Variants in HPSE2 observed in about 807,000 individuals in gnomAD.
The protein encoded by HPSE2 is inactive heparanase-2.
Under a neutral mutation model 60.5 loss-of-function variants are expected in HPSE2, and 38 were observed. That is an observed-to-expected ratio of 0.63 (90% CI 0.48 to 0.82). HPSE2 has a LOEUF of 0.82. Ranked by LOEUF, HPSE2 falls within the 40% of genes least tolerant of loss-of-function variation. The probability of loss-of-function intolerance (pLI) is 0.00; values close to 1 mark genes in which losing one functional copy is unlikely to be tolerated. For synonymous variants in HPSE2, 295 were observed against 293.2 expected, an observed-to-expected ratio of 1.01 and a Z score of -0.06; for missense variants, 713 against 740.4, an observed-to-expected ratio of 0.96 and a Z score of 0.43.
At chr10:99,016,979 GAT>G (rs1326111495) in intron 3 of HPSE2, among the ~76,000 whole-genome samples, 1 of 152,164 alleles carries the variant, frequency 6.6e-6, no homozygotes, top group African/African-American at 2.4e-5. Context: ...TTTAAACAAG[GAT>G]AGTTTGACTT....
chr10:99,136,423 CAG>C (rs1202743231), intron 3 of HPSE2, among the ~76,000 whole-genome samples: 1 of 152,126 alleles, frequency 6.6e-6, no homozygotes, highest in African/African-American at 2.4e-5. Context: ...CAAAGCCTGG[CAG>C]AGACACAACA....
chr10:99,281,976 C>T, the HPSE2 span, among the ~76,000 whole-genome samples: 1 of 151,968 alleles, frequency 6.6e-6, no homozygotes, highest in Non-Finnish European at 1.5e-5. Context: ...TTACAAAAGA[C>T]AGGCCGGGTG....
chr10:98,696,774 C>T (rs987510727), intron 5 of HPSE2, among the ~76,000 whole-genome samples: 2 of 152,172 alleles, frequency 1.3e-5, no homozygotes, highest in African/African-American at 4.8e-5. Flanking sequence ...AGCTGCCTAA[C>T]ACACTAAGCT....
At chr10:98,496,814 G>A (rs1051930227) in intron 9 of HPSE2, among the ~76,000 whole-genome samples, 2 of 151,840 alleles carry the variant, frequency 1.3e-5, no homozygotes, top group African/African-American at 4.8e-5. Context: ...CAATCCTTTA[G>A]TTGTATACAG....
At chr10:99,018,027 T>C (rs1957180996) in intron 3 of HPSE2, among the ~76,000 whole-genome samples, 1 of 152,182 alleles carries the variant, frequency 6.6e-6, no homozygotes, top group Non-Finnish European at 1.5e-5. Flanking sequence ...ACTTAAGAGC[T>C]TCCCTGTCTC....
intron 3 of HPSE2, among the ~76,000 whole-genome samples, chr10:98,876,176 G>C (rs1012072924): frequency 6.6e-6 from 1 of 151,838 alleles, no homozygotes; most frequent in African/African-American, 2.4e-5. Flanking sequence ...AGGTGATAAT[G>C]GTTTCCCATT....
chr10:99,010,275 T>C (rs1213252561), intron 3 of HPSE2, among the ~76,000 whole-genome samples: 1 of 152,218 alleles, frequency 6.6e-6, no homozygotes, highest in Non-Finnish European at 1.5e-5. Context: ...TAAAACATTA[T>C]AAAAGGTAAA....
intron 3 of HPSE2, among the ~76,000 whole-genome samples, chr10:98,912,798 G>A (rs1013583133): frequency 7.2e-5 from 11 of 152,052 alleles, no homozygotes; most frequent in African/African-American, 2.4e-4. Flanking sequence ...AGTAGCCGGG[G>A]CAGTGAGGAG....
chr10:99,098,809 A>T (rs1009806872), intron 3 of HPSE2, among the ~76,000 whole-genome samples: 6 of 152,200 alleles, frequency 3.9e-5, no homozygotes, highest in African/African-American at 1.2e-4. Flanking sequence ...TGTTAATAAT[A>T]TTTTATCAGT....
intron 3 of HPSE2, among the ~76,000 whole-genome samples, chr10:99,108,093 C>T (rs1007051264): frequency 2.6e-5 from 4 of 152,184 alleles, no homozygotes; most frequent in Non-Finnish European, 5.9e-5. Flanking sequence ...CAGATAGTGA[C>T]ATTCCATGCC....
intron 9 of HPSE2, among the ~76,000 whole-genome samples, chr10:98,516,122 A>G (rs1373415428): frequency 6.6e-6 from 1 of 152,216 alleles, no homozygotes. Flanking sequence ...GTGTTTGTTC[A>G]TAACAATGTC....
intron 3 of HPSE2, among the ~76,000 whole-genome samples, chr10:98,829,579 G>C (rs938815888): frequency 2.6e-5 from 4 of 151,918 alleles, no homozygotes; most frequent in African/African-American, 7.3e-5. Flanking sequence ...TAATGGTTGC[G>C]CAACAATGTG....
At chr10:98,730,525 C>T (rs748067426) in intron 4 of HPSE2, among the ~76,000 whole-genome samples, 94 of 150,682 alleles carry the variant, frequency 6.2e-4, no homozygotes, top group Non-Finnish European at 9.5e-4. Flanking sequence ...ACAGGGAAAG[C>T]GAAAGTTGGT....
chr10:98,781,049 G>A (rs837737), intron 3 of HPSE2, among the ~76,000 whole-genome samples: 128,188 of 151,936 alleles, frequency 0.84, 54,334 homozygotes, highest in African/African-American at 0.9. Flanking sequence ...TCTCTGTGGC[G>A]GCATCACGAT....
chr10:98,928,214 T>C (rs1248148953), intron 3 of HPSE2, among the ~76,000 whole-genome samples: 1 of 144,392 alleles, frequency 6.9e-6, no homozygotes, highest in Non-Finnish European at 1.5e-5. Flanking sequence ...AAGACATTTA[T>C]GCAGCCAAAA....
chr10:99,254,570 AT>A, the HPSE2 span, among the ~76,000 whole-genome samples: 1 of 152,012 alleles, frequency 6.6e-6, no homozygotes, highest in African/African-American at 2.4e-5. Flanking sequence ...AAAAGAATAA[AT>A]GTTATTCACC....
chr10:98,522,313 A>G lies in HPSE2; in HGVS notation c.1321-32117T>C, dbSNP rs190929495. On this transcript the variant is annotated intron_variant, in intron 9 of 11. Transcript: ENST00000370552. The stretch of plus-strand genomic sequence containing the variant: ...AAAAAGAAAGAATCAGGCTGTGGAG[A>G]GATAGAGAATCTTTGTTCCCCACCA... 1.6e-4 allele frequency among the ~76,000 whole-genome samples: 24 copies of G among 152,132 alleles called. No individual in the cohort carries two copies. In the East Asian group the frequency reaches 3.7e-3, roughly 23 times the overall value.
At chr10:98,594,226 A>G (rs886195672) in intron 9 of HPSE2, among the ~76,000 whole-genome samples, 2 of 152,168 alleles carry the variant, frequency 1.3e-5, no homozygotes, top group African/African-American at 2.4e-5. Flanking sequence ...CACATTGTAC[A>G]TAGATAACTT....
In HPSE2 at chr10:99,187,969, T is replaced by A. The variant is rs545339640; in HGVS notation, c.449-43570A>T. On this transcript the variant is annotated intron_variant, in intron 2 of 11. Coordinates refer to ENST00000370552, the MANE Select transcript of HPSE2 (RefSeq NM_021828.5). ...CAGTTTTATTCATAATACCCAAAAC[T>A]GGAAACAACCTAAATTTCCATCAGG... Among the ~76,000 whole-genome samples the A allele has an allele frequency of 7.6e-4, 115 of 152,276 alleles. 1 individual carries two copies. Among genetic ancestry groups the A allele is most frequent in the Non-Finnish European group, 1.5e-3 (100 of 68,026 alleles).
Sources: gnomAD v4.1 joint callset for allele counts (sites outside exome capture counted in the v4.1 genomes callset) on GRCh38, gnomAD v4.1.1 for gene constraint, MANE v1.5 for transcripts, NCBI Gene and HGNC (gene_info 2026-07-23, HGNC 2026-07-21) for gene names.